THSD4: variants seen among roughly 807,000 people sequenced by gnomAD.
THSD4 encodes thrombospondin type 1 domain containing 4, also known as thrombospondin type-1 domain-containing protein 4.
THSD4 carries 69 observed loss-of-function variants against 119.0 expected under a neutral mutation model. That is an observed-to-expected ratio of 0.58 (90% CI 0.48 to 0.71). THSD4 has a LOEUF of 0.71. Among genes scored for constraint, THSD4 ranks in the 30% least tolerant of loss-of-function variants. The pLI is 0.00. For synonymous variants in THSD4, 524 were observed against 540.4 expected, an observed-to-expected ratio of 0.97 and a Z score of 0.42; for missense variants, 1,393 against 1,391.1, an observed-to-expected ratio of 1.00 and a Z score of -0.02.
intron 7 of THSD4, among the ~76,000 whole-genome samples, chr15:71,590,688 T>A (rs2140872179): frequency 6.6e-6 from 1 of 152,204 alleles, no homozygotes; most frequent in South Asian, 2.1e-4. Flanking sequence ...ATGCACATCC[T>A]GCACATGCAC....
intron 8 of THSD4, among the ~76,000 whole-genome samples, chr15:71,704,222 A>G (rs2052350999): frequency 6.6e-6 from 1 of 152,220 alleles, no homozygotes; most frequent in Non-Finnish European, 1.5e-5. Context: ...TAGAGTTAGC[A>G]CCCTAACATG....
Position 71,780,686 on chromosome 15 carries a change from G to C in THSD4, c.*3312G>C, listed in dbSNP as rs2053984586. 2.2e-6 allele frequency: 1 copy of C among 456,618 alleles called. No homozygotes were observed. The highest frequency in any genetic ancestry group is 2.0e-5 in the African/African-American group (1 of 50,084). The allele number at this position is 456,618 out of a possible 1,614,324, so 28.3% of individuals were successfully genotyped here. A position where few individuals can be genotyped will look rare whatever the true frequency, so the allele number is the denominator to read the frequency against. On this transcript the variant is annotated 3_prime_UTR_variant, in exon 18 of 18. Coordinates refer to ENST00000261862, the MANE Select transcript of THSD4 (RefSeq NM_024817.3). Reference sequence around the variant, plus strand: ...CCCCGCCCCCAGGGAACTAGAACATGACAAGAATTCTCCGCACTGTGCCTA... The same window carrying C: ...CCCCGCCCCCAGGGAACTAGAACATCACAAGAATTCTCCGCACTGTGCCTA...
intron 7 of THSD4, among the ~76,000 whole-genome samples, chr15:71,540,452 T>A (rs868569630): frequency 4.6e-4 from 28 of 61,494 alleles, no homozygotes; most frequent in South Asian, 1.3e-3. Context: ...TTTTTTTTTT[T>A]AAACGAGTCT....
intron 7 of THSD4, among the ~76,000 whole-genome samples, chr15:71,437,132 A>G (rs1353078215): frequency 6.6e-6 from 1 of 152,186 alleles, no homozygotes; most frequent in Non-Finnish European, 1.5e-5. Context: ...AAGTGGGAGC[A>G]GGCACATCAC....
intron 7 of THSD4, among the ~76,000 whole-genome samples, chr15:71,641,547 C>G (rs967879984): frequency 3.3e-5 from 5 of 152,006 alleles, no homozygotes; most frequent in Non-Finnish European, 5.9e-5. Context: ...TGCGTCTTGC[C>G]TGAGGTCACA....
At chr15:71,462,031 C>T (rs1367113603) in intron 7 of THSD4, among the ~76,000 whole-genome samples, 2 of 152,200 alleles carry the variant, frequency 1.3e-5, no homozygotes, top group African/African-American at 4.8e-5. Flanking sequence ...GAAACAAGAC[C>T]AGAAGCATCT....
intron 6 of THSD4, among the ~76,000 whole-genome samples, chr15:71,292,407 C>G (rs377145922): frequency 6.6e-6 from 1 of 152,034 alleles, no homozygotes; most frequent in African/African-American, 2.4e-5. Flanking sequence ...TGTATATTCT[C>G]TGTTCTTTAT....
At chr15:71,563,703 A>G (rs2049171469) in intron 7 of THSD4, among the ~76,000 whole-genome samples, 1 of 152,206 alleles carries the variant, frequency 6.6e-6, no homozygotes, top group South Asian at 2.1e-4. Context: ...ATGTTTCAGA[A>G]TTTGTATGTT....
At chr15:71,321,210 CT>C (rs1326946645) in intron 6 of THSD4, among the ~76,000 whole-genome samples, 2 of 152,194 alleles carry the variant, frequency 1.3e-5, no homozygotes, top group Admixed American at 6.5e-5. Flanking sequence ...GACCTAAGAT[CT>C]TCTGCAGCTT....
chr15:71,214,241 AC>A (rs964585572), intron 3 of THSD4, among the ~76,000 whole-genome samples: 2 of 148,286 alleles, frequency 1.3e-5, no homozygotes, highest in African/African-American at 5.2e-5. Context: ...AAAGCTGGCG[AC>A]CCGCCCCACT....
intron 8 of THSD4, among the ~76,000 whole-genome samples, chr15:71,679,081 T>C (rs2051715590): frequency 6.6e-6 from 1 of 152,230 alleles, no homozygotes; most frequent in African/African-American, 2.4e-5. Context: ...TGGATATCTG[T>C]AAGCACCTAC....
chr15:71,387,892 C>CCTCTTG (rs1433954226), intron 6 of THSD4, among the ~76,000 whole-genome samples: 18 of 152,286 alleles, frequency 1.2e-4, no homozygotes, highest in African/African-American at 4.3e-4. Context: ...CCTCCCTTGG[C>CCTCTTG]CAGGGGACCT....
At chr15:71,141,363 C>T (rs1202187846) in intron 1 of THSD4, 86 bp from the exon 2 acceptor site, 1 of 685,870 alleles carries the variant, frequency 1.5e-6, no homozygotes, top group African/African-American at 1.8e-5. Flanking sequence ...CTTCCATTTG[C>T]TCATTTCTGG....
At position 71,445,847 on chromosome 15, in the gene THSD4, C is replaced by T. The variant is rs143736903; in HGVS notation, c.1152+34024C>T. 3.6e-4 allele frequency among the ~76,000 whole-genome samples: 55 copies of T among 152,308 alleles called. No individual in the cohort carries two copies. The East Asian group carries it at 9.3e-3, about 26-fold the overall frequency. ...TCCATGACGGGATATGAAATCCTTA[C>T]GATGTGCTTTGCTTTTTTTGTACAT... On this transcript the variant is annotated intron_variant, in intron 7 of 17. Coordinates refer to ENST00000261862, the MANE Select transcript of THSD4 (RefSeq NM_024817.3).
At chr15:71,341,280 G>A (rs1265470784) in intron 6 of THSD4, 1 of 1,597,528 alleles carries the variant, frequency 6.3e-7, no homozygotes, top group Non-Finnish European at 8.5e-7. Context: ...ATCTCAATGT[G>A]GCAGGGAGAG....
intron 7 of THSD4, among the ~76,000 whole-genome samples, chr15:71,600,206 T>G (rs755199010): frequency 1.3e-5 from 2 of 149,660 alleles, no homozygotes; most frequent in African/African-American, 4.8e-5. Context: ...GAAAGCTCTG[T>G]ATTTCAAAGT....
At chr15:71,535,268 T>C (rs2048673885) in intron 7 of THSD4, among the ~76,000 whole-genome samples, 1 of 152,238 alleles carries the variant, frequency 6.6e-6, no homozygotes, top group African/African-American at 2.4e-5. Flanking sequence ...TCACTTAATA[T>C]ATCTTTTCAA....
intron 1 of THSD4, among the ~76,000 whole-genome samples, chr15:71,117,363 A>C (rs1396063366): frequency 6.6e-6 from 1 of 151,994 alleles, no homozygotes; most frequent in Non-Finnish European, 1.5e-5. Context: ...TGCCTCGAAA[A>C]ACTTGTGGAG....
chr15:71,368,517 C>G (rs1596372937), intron 6 of THSD4, among the ~76,000 whole-genome samples: 1 of 152,262 alleles, frequency 6.6e-6, no homozygotes, highest in African/African-American at 2.4e-5. Flanking sequence ...AGCCAGTTTT[C>G]CCAGCACCAT....
Sources: gnomAD v4.1 joint callset for allele counts (sites outside exome capture counted in the v4.1 genomes callset) on GRCh38, gnomAD v4.1.1 for gene constraint, MANE v1.5 for transcripts, NCBI Gene and HGNC (gene_info 2026-07-23, HGNC 2026-07-21) for gene names.